The following SPATA17 variants were observed in gnomAD, a reference collection of about 807,000 sequenced individuals.
SPATA17 encodes the protein spermatogenesis-associated protein 17.
SPATA17 carries 53 observed loss-of-function variants against 62.2 expected under a neutral mutation model. The ratio of observed to expected loss-of-function variants is 0.85; its 90% CI spans 0.68 to 1.07. The LOEUF (loss-of-function observed/expected upper bound fraction) is 1.07, where lower values mean the gene tolerates loss of function less well. Among genes scored for constraint, SPATA17 ranks in the 50% least tolerant of loss-of-function variants. The pLI is 0.00. For missense variants in SPATA17, 466 were observed against 425.5 expected (o/e 1.10, Z -0.84); for synonymous variants, 146 against 146.8 (o/e 0.99, Z 0.04).
intron 6 of SPATA17, among the ~76,000 whole-genome samples, chr1:217,748,853 C>T (rs1672830986): frequency 6.6e-6 from 1 of 151,856 alleles, no homozygotes; most frequent in Non-Finnish European, 1.5e-5. Context: ...GTGCTCAATA[C>T]GTGATTATTC....
intron 1 of SPATA17, among the ~76,000 whole-genome samples, chr1:217,634,305 C>T (rs1669889061): frequency 6.6e-6 from 1 of 152,102 alleles, no homozygotes; most frequent in South Asian, 2.1e-4. Flanking sequence ...TCTCCCTGAG[C>T]ATTAGGGGAT....
intron 5 of SPATA17, among the ~76,000 whole-genome samples, chr1:217,715,919 C>T (rs1016828651): frequency 5.9e-5 from 9 of 152,124 alleles, no homozygotes; most frequent in Non-Finnish European, 1.3e-4. Context: ...TTGTAGTCTG[C>T]TAATTTGCAT....
At chr1:217,677,053 A>G (rs1000126268) in intron 4 of SPATA17, among the ~76,000 whole-genome samples, 2 of 152,124 alleles carry the variant, frequency 1.3e-5, no homozygotes, top group Non-Finnish European at 2.9e-5. Context: ...AGTGCCCCCA[A>G]ACAATTTTGT....
At chr1:217,752,263 A>G (rs1672931766) in intron 6 of SPATA17, among the ~76,000 whole-genome samples, 1 of 152,030 alleles carries the variant, frequency 6.6e-6, no homozygotes, top group Admixed American at 6.6e-5. Context: ...CCTGGCCTCA[A>G]GTGATCCTCC....
At position 217,729,650 on chromosome 1, in the gene SPATA17, A is replaced by C. The variant is rs1162794191; in HGVS notation, c.396-12325A>C. Among the ~76,000 whole-genome samples, 7 of 152,196 alleles carry C rather than the reference A, an allele frequency of 4.6e-5. No individual in the cohort carries two copies. The South Asian group carries it at 1.4e-3, about 31-fold the overall frequency. ...TATAGTAATTAATTTGGTAGAAATTATATAATAACACAAGCCAGGGTGTCC... is the reference window on the plus strand; with the variant it reads ...TATAGTAATTAATTTGGTAGAAATTCTATAATAACACAAGCCAGGGTGTCC... On this transcript the variant is annotated intron_variant, in intron 5 of 10. Transcript: ENST00000366933.
At chr1:217,716,156 T>A (rs982938506) in intron 5 of SPATA17, among the ~76,000 whole-genome samples, 1 of 152,156 alleles carries the variant, frequency 6.6e-6, no homozygotes, top group Admixed American at 6.5e-5. Flanking sequence ...CTAAAAAAAA[T>A]TGAGATCACT....
At chr1:217,677,272 C>A (rs934639184) in intron 4 of SPATA17, among the ~76,000 whole-genome samples, 1 of 151,386 alleles carries the variant, frequency 6.6e-6, no homozygotes, top group African/African-American at 2.4e-5. Flanking sequence ...TTTTGTTTCC[C>A]ACTTGTGTCT....
intron 5 of SPATA17, among the ~76,000 whole-genome samples, chr1:217,694,831 T>G (rs1671419260): frequency 7.0e-6 from 1 of 142,252 alleles, no homozygotes; most frequent in African/African-American, 2.6e-5. Flanking sequence ...CCCACTCTCT[T>G]CTGGCTTGTA....
chr1:217,854,575 G>C (rs1675735615), intron 9 of SPATA17, among the ~76,000 whole-genome samples: 1 of 152,096 alleles, frequency 6.6e-6, no homozygotes, highest in Non-Finnish European at 1.5e-5. Context: ...CTCCCCCATA[G>C]ATAAATCTGT....
chr1:217,667,654 G>A (rs1470117929), intron 3 of SPATA17, among the ~76,000 whole-genome samples: 6 of 152,078 alleles, frequency 3.9e-5, no homozygotes, highest in African/African-American at 7.2e-5. Flanking sequence ...ACTAAACAAT[G>A]ATATGATAAA....
At chr1:217,771,486 T>C (rs4846245) in intron 6 of SPATA17, among the ~76,000 whole-genome samples, 46,783 of 151,878 alleles carry the variant, frequency 0.31, 7,529 homozygotes, top group East Asian at 0.52. Context: ...GAGACAATAG[T>C]ATGTTAAGGT....
chr1:217,667,521 G>T (rs2102895723), intron 3 of SPATA17, among the ~76,000 whole-genome samples: 1 of 152,212 alleles, frequency 6.6e-6, no homozygotes, highest in Admixed American at 6.5e-5. Context: ...AGTTTTCTAA[G>T]AATGGAAATC....
chr1:217,704,504 C>A (rs1671688348), intron 5 of SPATA17, among the ~76,000 whole-genome samples: 1 of 151,810 alleles, frequency 6.6e-6, no homozygotes, highest in African/African-American at 2.4e-5. Flanking sequence ...CCCGCCTCGG[C>A]CTCCCAAAGT....
At chr1:217,845,341 G>A (rs1675499479) in intron 9 of SPATA17, among the ~76,000 whole-genome samples, 2 of 152,048 alleles carry the variant, frequency 1.3e-5, no homozygotes, top group Non-Finnish European at 2.9e-5. Flanking sequence ...TGGTTTTAGT[G>A]CTTCTGTCTC....
chr1:217,648,017 G>C (rs1019307750), intron 1 of SPATA17, among the ~76,000 whole-genome samples: 1 of 151,292 alleles, frequency 6.6e-6, no homozygotes, highest in South Asian at 2.1e-4. Flanking sequence ...GTCACCAAGC[G>C]GGCCTTACTC....
intron 9 of SPATA17, among the ~76,000 whole-genome samples, chr1:217,849,816 T>C (rs1675606639): frequency 1.3e-5 from 2 of 152,270 alleles, no homozygotes; most frequent in East Asian, 1.9e-4. Context: ...TGTAGGCTTT[T>C]AAGCAAGCCC....
rs113753905 is a variant in SPATA17, at chr1:217,809,008, A to G, written c.1005+7158A>G. Among the ~76,000 whole-genome samples the G allele has an allele frequency of 6.4e-3, 972 of 152,314 alleles. 4 individuals carry two copies. The highest frequency in any genetic ancestry group is 0.022 in the African/African-American group (905 of 41,572). On this transcript the variant is annotated intron_variant, in intron 9 of 10. Transcript: ENST00000366933. ...AAGAATTTCAGCTTCCTGGCATCCAACATAAAAAGGAAGACACAAGTTACA... is the reference window on the plus strand; with the variant it reads ...AAGAATTTCAGCTTCCTGGCATCCAGCATAAAAAGGAAGACACAAGTTACA...
At chr1:217,667,952 C>T (rs1444546949) in intron 3 of SPATA17, among the ~76,000 whole-genome samples, 2 of 152,242 alleles carry the variant, frequency 1.3e-5, no homozygotes, top group East Asian at 3.8e-4. Flanking sequence ...TCCAGCCCTG[C>T]TGCTCTCCAC....
At chr1:217,781,631 A>G (rs115615298) in intron 7 of SPATA17, among the ~76,000 whole-genome samples, 2,412 of 152,312 alleles carry the variant, frequency 0.016, 33 homozygotes, top group Non-Finnish European at 0.025. Context: ...TTTTAAATAA[A>G]TAACATTTAA....
Sources: gnomAD v4.1 joint callset for allele counts (sites outside exome capture counted in the v4.1 genomes callset) on GRCh38, gnomAD v4.1.1 for gene constraint, MANE v1.5 for transcripts, NCBI Gene and HGNC (gene_info 2026-07-23, HGNC 2026-07-21) for gene names.